Variants in TENM4 observed in about 807,000 individuals in gnomAD.
TENM4 encodes teneurin transmembrane protein 4.
Under a neutral mutation model 243.3 loss-of-function variants are expected in TENM4, and 82 were observed. The ratio of observed to expected loss-of-function variants is 0.34; its 90% CI spans 0.28 to 0.40. TENM4 has a LOEUF of 0.40. TENM4 is among the 10% of genes least tolerant of loss of function. TENM4 has a pLI of 1.00. For missense variants in TENM4, 3,138 were observed against 3,673.3 expected (o/e 0.85, Z 3.77); for synonymous variants, 1,412 against 1,456.3 (o/e 0.97, Z 0.69).
Position 79,144,489 on chromosome 11 carries a change from C to T in TENM4, c.-66+4221G>A, listed in dbSNP as rs549694606. Among the ~76,000 whole-genome samples the T allele has an allele frequency of 4.6e-5, 7 of 152,078 alleles. No homozygotes were observed. The South Asian group carries it at 8.3e-4, about 18-fold the overall frequency. On this transcript the variant is annotated intron_variant, in intron 4 of 33. Transcript: ENST00000278550. The stretch of plus-strand genomic sequence containing the variant: ...GAGATATCTGCACTTCCATGTGTAT[C>T]GTGGCACTACTTACAATAGGCAAAA...
intron 27 of TENM4, among the ~76,000 whole-genome samples, chr11:78,707,465 C>T (rs1050940827): frequency 6.6e-6 from 1 of 152,266 alleles, no homozygotes; most frequent in African/African-American, 2.4e-5. Context: ...ACAACAGGGT[C>T]CGTCCCTTCC....
rs554023628 is a variant in TENM4, at chr11:79,149,169, G to T, written c.-162-363C>A. ...GGGAGAGAGAATCTCCAGGTACTGG[G>T]CATATAATGGAAAGCAGCACAGAGA... On this transcript the variant is annotated intron_variant, in intron 3 of 33. Transcript: ENST00000278550. Among the ~76,000 whole-genome samples, 3 of 152,212 alleles carry T rather than the reference G, an allele frequency of 2.0e-5. No homozygotes were observed. The East Asian group carries it at 5.8e-4, about 29-fold the overall frequency.
chr11:79,250,790 G>C (rs982195883), intron 2 of TENM4, among the ~76,000 whole-genome samples: 3 of 152,212 alleles, frequency 2.0e-5, no homozygotes, highest in Non-Finnish European at 4.4e-5. Context: ...CAACTTGCTA[G>C]GCGAAGCTTA....
chr11:78,809,751 T>TA (rs2136095641), intron 14 of TENM4, among the ~76,000 whole-genome samples: 1 of 152,288 alleles, frequency 6.6e-6, no homozygotes, highest in Non-Finnish European at 1.5e-5. Context: ...GTCAAATAGT[T>TA]ACCTTTTTTC....
intron 3 of TENM4, among the ~76,000 whole-genome samples, chr11:79,164,790 C>T (rs2135099738): frequency 6.6e-6 from 1 of 151,772 alleles, no homozygotes; most frequent in South Asian, 2.1e-4. Flanking sequence ...GTTTTTGCTT[C>T]ATCATTTTCT....
At chr11:78,722,620 G>C in intron 24 of TENM4, 48 bp downstream of exon 24, 1 of 1,583,738 alleles carries the variant, frequency 6.3e-7, no homozygotes, top group Non-Finnish European at 8.6e-7. Context: ...CCAAAGGATG[G>C]CAAAGGCATA....
At chr11:79,004,452 C>T (rs1007629513) in intron 6 of TENM4, among the ~76,000 whole-genome samples, 3 of 152,078 alleles carry the variant, frequency 2.0e-5, no homozygotes, top group Non-Finnish European at 4.4e-5. Flanking sequence ...GAAATCAATA[C>T]TGAGAAAATT....
chr11:78,797,402 A>T (rs1268733482), intron 15 of TENM4, among the ~76,000 whole-genome samples: 3 of 152,200 alleles, frequency 2.0e-5, no homozygotes, highest in Non-Finnish European at 4.4e-5. Flanking sequence ...ACAACTAGAG[A>T]TTTTGTACAA....
At chr11:79,400,125 A>T (rs1858429040) in intron 1 of TENM4, among the ~76,000 whole-genome samples, 1 of 151,072 alleles carries the variant, frequency 6.6e-6, no homozygotes. Flanking sequence ...ACACACACAC[A>T]CACACACACA....
At chr11:79,228,363 T>C (rs1321796138) in intron 2 of TENM4, among the ~76,000 whole-genome samples, 1 of 152,174 alleles carries the variant, frequency 6.6e-6, no homozygotes, top group East Asian at 1.9e-4. Flanking sequence ...CCCAGACCAA[T>C]GTCGCCCACA....
At chr11:79,126,952 G>A (rs935732885) in intron 4 of TENM4, among the ~76,000 whole-genome samples, 5 of 152,194 alleles carry the variant, frequency 3.3e-5, no homozygotes, top group Admixed American at 6.5e-5. Context: ...GACTCCAGGG[G>A]ACCCAAAACA....
intron 16 of TENM4, among the ~76,000 whole-genome samples, chr11:78,779,414 T>A (rs1005423353): frequency 1.3e-5 from 2 of 152,202 alleles, no homozygotes; most frequent in Admixed American, 1.3e-4. Context: ...TGTTTTCCAA[T>A]GGAGGGGTTG....
intron 14 of TENM4, 35 bp from the exon 15 acceptor site, chr11:78,805,527 T>C (rs1466248530): frequency 3.2e-6 from 5 of 1,549,862 alleles, no homozygotes; most frequent in Non-Finnish European, 4.4e-6. Context: ...TAGGTAAGCA[T>C]CTGACCAGCA....
intron 7 of TENM4, among the ~76,000 whole-genome samples, chr11:78,899,347 C>T (rs1224372197): frequency 6.6e-6 from 1 of 151,984 alleles, no homozygotes; most frequent in East Asian, 1.9e-4. Context: ...AGAACCAGCA[C>T]TTTGGGAGGC....
At chr11:78,688,429 GGAAAA>G (rs1858739387) in intron 28 of TENM4, among the ~76,000 whole-genome samples, 1 of 152,138 alleles carries the variant, frequency 6.6e-6, no homozygotes, top group Non-Finnish European at 1.5e-5. Context: ...TCCAGCTGCA[GGAAAA>G]TAACTGACCT....
chr11:79,135,665 C>T (rs1273376468), intron 4 of TENM4, among the ~76,000 whole-genome samples: 5 of 139,286 alleles, frequency 3.6e-5, no homozygotes, highest in Non-Finnish European at 4.4e-5. Flanking sequence ...TATACACACA[C>T]ATATATGATA....
chr11:79,127,703 C>G (rs1037032033), intron 4 of TENM4, among the ~76,000 whole-genome samples: 1 of 152,168 alleles, frequency 6.6e-6, no homozygotes, highest in African/African-American at 2.4e-5. Flanking sequence ...ACATTGATGA[C>G]CTTATGCTGA....
At chr11:79,084,808 C>T (rs149468229) in intron 4 of TENM4, among the ~76,000 whole-genome samples, 1 of 152,174 alleles carries the variant, frequency 6.6e-6, no homozygotes, top group Non-Finnish European at 1.5e-5. Flanking sequence ...CATATACTCA[C>T]CTACACATGT....
intron 2 of TENM4, among the ~76,000 whole-genome samples, chr11:79,270,109 C>G (rs1000087311): frequency 1.3e-5 from 2 of 152,080 alleles, no homozygotes; most frequent in African/African-American, 4.8e-5. Context: ...CTAGCACCAC[C>G]GTCCTTTCGC....
Sources: gnomAD v4.1 joint callset for allele counts (sites outside exome capture counted in the v4.1 genomes callset) on GRCh38, gnomAD v4.1.1 for gene constraint, MANE v1.5 for transcripts, NCBI Gene and HGNC (gene_info 2026-07-23, HGNC 2026-07-21) for gene names.